Variants in TMEM65 observed in about 807,000 individuals in gnomAD.
TMEM65 encodes the protein transmembrane protein 65.
In TMEM65, 22 loss-of-function variants were observed where a neutral mutation model predicts 25.4. That is an observed-to-expected ratio of 0.86 (90% confidence interval 0.62 to 1.23). The LOEUF (loss-of-function observed/expected upper bound fraction) is 1.23, where lower values mean the gene tolerates loss of function less well. Among genes scored for constraint, TMEM65 ranks in the 50% most tolerant of loss-of-function variants. TMEM65 has a pLI of 0.00. For synonymous variants in TMEM65, 132 were observed against 126.2 expected (o/e 1.05, Z -0.31); for missense variants, 262 against 308.2 (o/e 0.85, Z 1.12).
chr8:124,363,372 G>T (rs562153393), intron 1 of TMEM65, among the ~76,000 whole-genome samples: 2 of 152,210 alleles, frequency 1.3e-5, no homozygotes, highest in East Asian at 3.9e-4. Context: ...CCTAATTATG[G>T]TGATTATTTT....
intron 1 of TMEM65, among the ~76,000 whole-genome samples, chr8:124,363,620 G>A (rs1263507159): frequency 6.6e-6 from 1 of 151,862 alleles, no homozygotes; most frequent in Non-Finnish European, 1.5e-5. Context: ...GGCGGATCAC[G>A]AGGTCAGGAG....
chr8:124,365,097 C>T (rs140799314), intron 1 of TMEM65, among the ~76,000 whole-genome samples: 1 of 152,240 alleles, frequency 6.6e-6, no homozygotes, highest in East Asian at 1.9e-4. Flanking sequence ...CTATAAATTG[C>T]TGACTTTATA....
At chr8:124,332,416 C>T (rs1814443260) in intron 1 of TMEM65, among the ~76,000 whole-genome samples, 1 of 152,112 alleles carries the variant, frequency 6.6e-6, no homozygotes, top group African/African-American at 2.4e-5. Flanking sequence ...GGAGTCCTTG[C>T]TTTTACTTCT....
intron 1 of TMEM65, among the ~76,000 whole-genome samples, chr8:124,370,348 A>C (rs1814996082): frequency 6.6e-6 from 1 of 152,246 alleles, no homozygotes; most frequent in Non-Finnish European, 1.5e-5. Context: ...GTGTTCAAAT[A>C]GTCTTGTCAG....
chr8:124,326,999 A>G (rs1233848919), intron 3 of TMEM65, among the ~76,000 whole-genome samples: 1 of 152,052 alleles, frequency 6.6e-6, no homozygotes, highest in Non-Finnish European at 1.5e-5. Flanking sequence ...AAATCAAATA[A>G]TTACCTATAT....
chr8:124,371,611 G>A (rs1017833873), intron 1 of TMEM65, among the ~76,000 whole-genome samples: 1 of 152,248 alleles, frequency 6.6e-6, no homozygotes, highest in African/African-American at 2.4e-5. Context: ...GGAGGAAGTA[G>A]CTAGCGCTGG....
At chr8:124,319,768 GT>G (rs1814282723) in intron 6 of TMEM65, among the ~76,000 whole-genome samples, 1 of 151,758 alleles carries the variant, frequency 6.6e-6, no homozygotes, top group Admixed American at 6.6e-5. Flanking sequence ...TATATGTTTG[GT>G]TTTCCACCTA....
chr8:124,318,921 G>A lies in TMEM65; in HGVS notation c.621+1165C>T, dbSNP rs545348072. Among the ~76,000 whole-genome samples the A allele has an allele frequency of 1.2e-4, 18 of 152,036 alleles. No individual in the cohort carries two copies. In the South Asian group the frequency reaches 3.5e-3, roughly 30 times the overall value. On this transcript the variant is annotated intron_variant, in intron 6 of 6. Transcript: ENST00000297632. ...TAGCACTCCTAGCCTCTTCTACCTC[G>A]CTCTGTTTTCCCTTTTTATTCTCAT...
chr8:124,318,997 T>C (rs1814273421), intron 6 of TMEM65, among the ~76,000 whole-genome samples: 1 of 152,212 alleles, frequency 6.6e-6, no homozygotes, highest in South Asian at 2.1e-4. Flanking sequence ...TCAGATTGTT[T>C]ATTGTCTGTC....
At chr8:124,354,517 G>A (rs1193822370) in intron 1 of TMEM65, among the ~76,000 whole-genome samples, 1 of 152,140 alleles carries the variant, frequency 6.6e-6, no homozygotes, top group Admixed American at 6.5e-5. Flanking sequence ...CATCTTGGGG[G>A]ACCGACACAG....
At chr8:124,315,729 G>T (rs964436817) in intron 6 of TMEM65, among the ~76,000 whole-genome samples, 3 of 152,022 alleles carry the variant, frequency 2.0e-5, no homozygotes, top group Non-Finnish European at 4.4e-5. Context: ...TGGTGGTAGT[G>T]GTATTAGTAG....
chr8:124,316,466 A>T (rs1355493235), intron 6 of TMEM65, among the ~76,000 whole-genome samples: 1 of 152,170 alleles, frequency 6.6e-6, no homozygotes, highest in Non-Finnish European at 1.5e-5. Context: ...AACTTCAAAT[A>T]CTTCAGGCTG....
intron 3 of TMEM65, 113 bp downstream of exon 3, chr8:124,327,241 C>A: frequency 1.4e-6 from 1 of 692,046 alleles, no homozygotes; most frequent in Non-Finnish European, 2.4e-6. Context: ...TAAAAAATAT[C>A]CTTGTTCATT....
chr8:124,308,627 T>G lies in TMEM65; in HGVS notation c.*5333A>C, dbSNP rs1347733170. The stretch of plus-strand genomic sequence containing the variant: ...GTGGAGGGTAGAAAGTTTCAAGATC[T>G]GAATCCTGGAGTGAATCAAAAGCTA... On this transcript the variant is annotated 3_prime_UTR_variant, in exon 7 of 7. Transcript: ENST00000297632. 6.6e-6 allele frequency: 1 copy of G among 152,130 alleles called. No homozygotes were observed. Among genetic ancestry groups the G allele is most frequent in the African/African-American group, 2.4e-5 (1 of 41,398 alleles). 9.4% of individuals were successfully genotyped at this position (152,130 alleles called of 1,614,324 possible).
chr8:124,327,473 A>G, intron 2 of TMEM65, 52 bp from the exon 3 acceptor site: 1 of 1,224,920 alleles, frequency 8.2e-7, no homozygotes, highest in South Asian at 1.4e-5. Flanking sequence ...TATAACTTAG[A>G]ATGACAAAAA....
At chr8:124,362,416 C>T (rs748980722) in intron 1 of TMEM65, among the ~76,000 whole-genome samples, 15 of 151,800 alleles carry the variant, frequency 9.9e-5, no homozygotes, top group Non-Finnish European at 1.9e-4. Context: ...AATCCCACAA[C>T]TTTGGGAGGC....
chr8:124,355,044 T>C (rs919345817), intron 1 of TMEM65, among the ~76,000 whole-genome samples: 1 of 152,124 alleles, frequency 6.6e-6, no homozygotes, highest in Non-Finnish European at 1.5e-5. Context: ...AAAAGTATGA[T>C]GGAGGTCACA....
At chr8:124,370,413 C>T (rs1226807891) in intron 1 of TMEM65, among the ~76,000 whole-genome samples, 1 of 152,102 alleles carries the variant, frequency 6.6e-6, no homozygotes, top group African/African-American at 2.4e-5. Flanking sequence ...TATTATTTTT[C>T]CAAGGAGCAT....
At chr8:124,368,361 G>A (rs1390676512) in intron 1 of TMEM65, among the ~76,000 whole-genome samples, 2 of 148,362 alleles carry the variant, frequency 1.3e-5, no homozygotes, top group Non-Finnish European at 1.5e-5. Flanking sequence ...ACTCTCTGAT[G>A]AGCATTAATT....
Sources: allele counts gnomAD v4.1 joint callset (sites outside exome capture counted in the v4.1 genomes callset), GRCh38; gene constraint gnomAD v4.1.1; transcripts MANE v1.5; gene names NCBI Gene and HGNC (gene_info 2026-07-23, HGNC 2026-07-21).